The following SERINC1 variants were observed in gnomAD, a reference collection of about 807,000 sequenced individuals.
The protein encoded by SERINC1 is serine incorporator 1.
A neutral mutation model predicts 52.9 loss-of-function variants in SERINC1; 38 were observed. That is an observed-to-expected ratio of 0.72 (90% CI 0.55 to 0.94). SERINC1 has a LOEUF of 0.94. SERINC1 is among the 40% of genes least tolerant of loss of function. SERINC1 has a pLI of 0.00. For missense variants in SERINC1, 471 were observed against 533.9 expected (o/e 0.88, Z 1.16); for synonymous variants, 198 against 183.1 (o/e 1.08, Z -0.66).
At position 122,452,935 on chromosome 6, in the gene SERINC1, A is replaced by C. The variant is rs183928439; in HGVS notation, c.589+835T>G. On this transcript the variant is annotated intron_variant, in intron 5 of 9. Coordinates refer to ENST00000339697, the MANE Select transcript of SERINC1 (RefSeq NM_020755.4). ...AGCAGACACACTGGATTTGGCTTGCACTCCAATTTAAAATTTTTTTAGCTG... is the reference window on the plus strand; with the variant it reads ...AGCAGACACACTGGATTTGGCTTGCCCTCCAATTTAAAATTTTTTTAGCTG... 5.9e-4 allele frequency among the ~76,000 whole-genome samples: 90 copies of C among 152,270 alleles called. No homozygotes were observed. In the East Asian group the frequency reaches 0.016, roughly 27 times the overall value.
rs1364503049 is a variant in SERINC1 at position 122,443,479 on chromosome 6, T to G, written c.*1565A>C. On this transcript the variant is annotated 3_prime_UTR_variant, in exon 10 of 10. Coordinates refer to ENST00000339697, the MANE Select transcript of SERINC1 (RefSeq NM_020755.4). ...TATTCCATTCACATTAATAAATATT[T>G]TTAAAGAAGAAATTGTAGATTTTAA... 6.6e-6 allele frequency: 1 copy of G among 152,204 alleles called. No homozygotes were observed. Among genetic ancestry groups the G allele is most frequent in the Non-Finnish European group, 1.5e-5 (1 of 68,030 alleles). 9.4% of individuals were successfully genotyped at this position (152,204 alleles called of 1,614,324 possible). A position where few individuals can be genotyped will look rare whatever the true frequency, so the allele number is the denominator to read the frequency against.
In SERINC1 at chr6:122,443,795, G is replaced by T. The variant is rs1356542984; in HGVS notation, c.*1249C>A. The T allele has an allele frequency of 1.3e-5, 2 of 152,122 alleles. No individual in the cohort carries two copies. The highest frequency in any genetic ancestry group is 6.5e-5 in the Admixed American group (1 of 15,280). The allele number at this position is 152,122 out of a possible 1,614,324, so 9.4% of individuals were successfully genotyped here. A position where few individuals can be genotyped will look rare whatever the true frequency, so the allele number is the denominator to read the frequency against. On this transcript the variant is annotated 3_prime_UTR_variant, in exon 10 of 10. Coordinates refer to ENST00000339697, the MANE Select transcript of SERINC1 (RefSeq NM_020755.4). ...ATCAATTATGCATGTATTTTGAATAGAAATTATTTTTAAATGTCAGAGAGA... is the reference window on the plus strand; with the variant it reads ...ATCAATTATGCATGTATTTTGAATATAAATTATTTTTAAATGTCAGAGAGA...
Position 122,451,662 on chromosome 6 carries a change from A to T in SERINC1, c.850+2T>A. On this transcript the variant is annotated splice_donor_variant, in intron 7 of 9. Transcript: ENST00000339697. LOFTEE classifies it high-confidence loss of function. ...GGAACATGTAATATAAATAAAACAC[A>T]CCTGGTTCATTGGTCATAGCTGACC... 9.1e-7 allele frequency: 1 copy of T among 1,102,392 alleles called. No individual in the cohort carries two copies. The highest frequency in any genetic ancestry group is 1.3e-6 in the Non-Finnish European group (1 of 767,844). The allele number at this position is 1,102,392 out of a possible 1,614,324, so 68.3% of individuals were successfully genotyped here.
intron 7 of SERINC1, 58 bp downstream of exon 7, chr6:122,451,606 T>G: frequency 1.5e-6 from 1 of 663,868 alleles, no homozygotes; most frequent in Non-Finnish European, 2.6e-6. Context: ...AAAAGACAAT[T>G]TCTGGAAAAA....
intron 1 of SERINC1, among the ~76,000 whole-genome samples, chr6:122,462,857 A>G (rs528177530): frequency 2.0e-5 from 3 of 152,294 alleles, no homozygotes; most frequent in Admixed American, 2.0e-4. Context: ...CAAAATATAC[A>G]GAGTTCATAG....
rs756239917 is a variant in SERINC1 at position 122,447,107 on chromosome 6, A to G, written c.995+14T>C. On this transcript the variant is annotated intron_variant, in intron 8 of 9. Transcript: ENST00000339697. ...CTTCTTGTTTAAAGAAAAAAATTCCATAGTTTTTCCTACCTGGAATAAAAT... is the reference window on the plus strand; with the variant it reads ...CTTCTTGTTTAAAGAAAAAAATTCCGTAGTTTTTCCTACCTGGAATAAAAT... The G allele has an allele frequency of 1.9e-6, 3 of 1,603,700 alleles. No individual in the cohort carries two copies. The highest frequency in any genetic ancestry group is 1.1e-5 in the South Asian group (1 of 89,578).
chr6:122,466,491 C>T (rs987689878), intron 1 of SERINC1, among the ~76,000 whole-genome samples: 11 of 152,042 alleles, frequency 7.2e-5, no homozygotes, highest in African/African-American at 2.2e-4. Context: ...ACCATAAGCA[C>T]GCACCACCAC....
At chr6:122,457,903 T>C (rs1297275427) in intron 2 of SERINC1, among the ~76,000 whole-genome samples, 2 of 151,934 alleles carry the variant, frequency 1.3e-5, no homozygotes, top group Non-Finnish European at 2.9e-5. Flanking sequence ...TTCCACAACC[T>C]GACTCTCTCT....
intron 4 of SERINC1, 107 bp downstream of exon 4, chr6:122,454,043 CA>C: frequency 8.8e-7 from 1 of 1,141,640 alleles, no homozygotes; most frequent in Middle Eastern, 2.0e-4. Context: ...GAAACACACA[CA>C]CACACACCCC....
intron 7 of SERINC1, among the ~76,000 whole-genome samples, chr6:122,448,386 A>C (rs2114475059): frequency 6.6e-6 from 1 of 152,344 alleles, no homozygotes; most frequent in Middle Eastern, 3.4e-3. Flanking sequence ...TACCTATGAT[A>C]AAATACCTAC....
At chr6:122,456,382 G>A (rs1388418600) in intron 3 of SERINC1, 99 bp downstream of exon 3, 7 of 694,496 alleles carry the variant, frequency 1.0e-5, no homozygotes, top group African/African-American at 1.9e-5. Context: ...TCTGCAAATT[G>A]TATAAGTTTA....
At position 122,456,522 on chromosome 6, in the gene SERINC1, TTTGATCATTAG is replaced by T; in HGVS notation, c.319_329del (p.Leu107SerfsTer4). The T allele has an allele frequency of 6.2e-7, 1 of 1,610,756 alleles. No individual in the cohort carries two copies. Among genetic ancestry groups the T allele is most frequent in the East Asian group, 2.2e-5 (1 of 44,742 alleles). On this transcript the variant is annotated frameshift_variant, in exon 3 of 10. Transcript: ENST00000339697. LOFTEE classifies it high-confidence loss of function. Reference sequence around the variant, plus strand: ...CTCTAGGATCACTGCTACTCTTCACTTTGATCATTAGTAAAGAGAGAAGAAGATAGAACATA... The same window carrying T: ...CTCTAGGATCACTGCTACTCTTCACTTAAAGAGAGAAGAAGATAGAACATA...
chr6:122,460,934 A>C (rs1289794203), intron 1 of SERINC1, among the ~76,000 whole-genome samples: 2 of 152,174 alleles, frequency 1.3e-5, no homozygotes, highest in Non-Finnish European at 2.9e-5. Flanking sequence ...TGATAAAATA[A>C]GCCCCCTAAA....
intron 3 of SERINC1, among the ~76,000 whole-genome samples, chr6:122,455,607 A>ATATC (rs1582633591): frequency 6.6e-6 from 1 of 152,108 alleles, no homozygotes; most frequent in African/African-American, 2.4e-5. Flanking sequence ...CCCTTTATAT[A>ATATC]TATCTATCTA....
chr6:122,457,798 G>GGCAT (rs1554211587), intron 2 of SERINC1, among the ~76,000 whole-genome samples: 49 of 103,004 alleles, frequency 4.8e-4, no homozygotes, highest in African/African-American at 1.6e-3. Context: ...AACTGAGTAA[G>GGCAT]ACATACATAT....
rs750920534 is a variant in SERINC1 at position 122,451,758 on chromosome 6, C to CAAAAAA, written c.760-10_760-5dup. 7.7e-4 allele frequency: 68 copies of CAAAAAA among 88,332 alleles called. 2 individuals are homozygous for CAAAAAA. The highest frequency in any genetic ancestry group is 4.5e-3 in the Middle Eastern group (1 of 224). 5.5% of individuals were successfully genotyped at this position (88,332 alleles called of 1,614,324 possible). A position where few individuals can be genotyped will look rare whatever the true frequency, so the allele number is the denominator to read the frequency against. On this transcript the variant is annotated splice_region_variant and splice_polypyrimidine_tract_variant and intron_variant, in intron 6 of 9. Transcript: ENST00000339697. Reference sequence around the variant, plus strand: ...AACCAGATCTTGGTTGTGATTCCTACAAAAAAAAAAAAAAAAAAATATATA... The same window carrying CAAAAAA: ...AACCAGATCTTGGTTGTGATTCCTACAAAAAAAAAAAAAAAAAAAAAAAAATATATA...
intron 1 of SERINC1, among the ~76,000 whole-genome samples, chr6:122,460,080 A>G (rs943354244): frequency 6.6e-6 from 1 of 152,062 alleles, no homozygotes; most frequent in Non-Finnish European, 1.5e-5. Context: ...TGATTAATTG[A>G]TTGATTTACA....
intron 1 of SERINC1, among the ~76,000 whole-genome samples, chr6:122,458,977 A>T (rs912158791): frequency 1.3e-5 from 2 of 152,162 alleles, no homozygotes; most frequent in Non-Finnish European, 2.9e-5. Flanking sequence ...AAGTTTAAAG[A>T]GGAAAAGAAA....
At chr6:122,466,480 G>C (rs768792372) in intron 1 of SERINC1, among the ~76,000 whole-genome samples, 11 of 152,054 alleles carry the variant, frequency 7.2e-5, no homozygotes, top group Non-Finnish European at 1.5e-4. Flanking sequence ...GTGTAGCTGG[G>C]ACCATAAGCA....
Sources: gnomAD v4.1 joint callset for allele counts (sites outside exome capture counted in the v4.1 genomes callset) on GRCh38, gnomAD v4.1.1 for gene constraint, MANE v1.5 for transcripts, NCBI Gene and HGNC (gene_info 2026-07-23, HGNC 2026-07-21) for gene names.